FAM228B: variants seen among roughly 807,000 people sequenced by gnomAD.
FAM228B encodes protein FAM228B.
A neutral mutation model predicts 42.6 loss-of-function variants in FAM228B; 38 were observed. The observed-to-expected ratio is 0.89, with a 90% CI of 0.69 to 1.17. FAM228B has a LOEUF of 1.17. Among genes scored for constraint, FAM228B ranks in the 50% most tolerant of loss-of-function variants. The pLI, the probability that FAM228B is intolerant of heterozygous loss-of-function variation, is 0.00. For synonymous variants in FAM228B, 109 were observed against 122.3 expected (o/e 0.89, Z 0.72); for missense variants, 344 against 367.3 (o/e 0.94, Z 0.52).
At position 24,169,622 on chromosome 2, in the gene FAM228B, T is replaced by C. The variant is rs1233501359; in HGVS notation, c.*281T>C. 1 of 262,618 alleles carries C rather than the reference T, an allele frequency of 3.8e-6. No homozygotes were observed. The highest frequency in any genetic ancestry group is 8.2e-6 in the Non-Finnish European group (1 of 121,370). The allele number at this position is 262,618 out of a possible 1,614,324, so 16.3% of individuals were successfully genotyped here. A position where few individuals can be genotyped will look rare whatever the true frequency, so the allele number is the denominator to read the frequency against. On this transcript the variant is annotated 3_prime_UTR_variant, in exon 11 of 11. Coordinates refer to ENST00000615575, the MANE Select transcript of FAM228B (RefSeq NM_001145710.2). The surrounding 1 kb of genome is among the most constrained non-coding windows in gnomAD (Gnocchi z 4.2). ...ATATTGCTGAACGAACCAATAAAAA[T>C]AATTACAGCTCCCTCACTAAGTGTC...
intron 3 of FAM228B, among the ~76,000 whole-genome samples, chr2:24,135,976 G>GT (rs34144721): frequency 0.049 from 4,128 of 84,274 alleles, 581 homozygotes; most frequent in African/African-American, 0.12. Context: ...ATAGTGAAGG[G>GT]TTTTTTTTTT....
intron 3 of FAM228B, among the ~76,000 whole-genome samples, chr2:24,103,327 G>A (rs1476584104): frequency 6.6e-6 from 1 of 152,182 alleles, no homozygotes; most frequent in Non-Finnish European, 1.5e-5. Flanking sequence ...AAGTACGTAT[G>A]GAAGTTGAGA....
intron 10 of FAM228B, 32 bp downstream of exon 10, chr2:24,167,715 T>C: frequency 6.4e-7 from 1 of 1,550,406 alleles, no homozygotes. Context: ...CTTCTTACTC[T>C]CCTATTCCTT....
At chr2:24,090,301 G>A (rs1665362238) in intron 2 of FAM228B, among the ~76,000 whole-genome samples, 1 of 151,774 alleles carries the variant, frequency 6.6e-6, no homozygotes, top group African/African-American at 2.4e-5. Context: ...AATTAGCAAG[G>A]ACTGGCACGG....
chr2:24,167,741 C>A, intron 10 of FAM228B, 58 bp downstream of exon 10: 1 of 1,538,224 alleles, frequency 6.5e-7, no homozygotes, highest in South Asian at 1.2e-5. Flanking sequence ...TGTTTCTTGC[C>A]ACTGTGATTT....
intron 9 of FAM228B, among the ~76,000 whole-genome samples, 192 bp from the exon 10 acceptor site, chr2:24,167,435 G>C (rs144725385): frequency 2.3e-4 from 35 of 151,454 alleles, no homozygotes; most frequent in African/African-American, 7.7e-4. Context: ...AGGATTTGTA[G>C]GGTGTGATTT....
At chr2:24,113,338 C>T (rs986318218) in intron 3 of FAM228B, among the ~76,000 whole-genome samples, 11 of 151,940 alleles carry the variant, frequency 7.2e-5, no homozygotes, top group African/African-American at 1.9e-4. Context: ...TTTGGGAGGC[C>T]GAGGCAGAAC....
chr2:24,090,562 CAAAAAAAAAAA>C (rs58611623), intron 2 of FAM228B, among the ~76,000 whole-genome samples: 1 of 81,652 alleles, frequency 1.2e-5, no homozygotes, highest in East Asian at 3.8e-4. Flanking sequence ...CCTCCCATCT[CAAAAAAAAAAA>C]AAAAAAAAAA....
At chr2:24,143,095 G>T (rs1043292441) in intron 5 of FAM228B, among the ~76,000 whole-genome samples, 4 of 152,072 alleles carry the variant, frequency 2.6e-5, no homozygotes, top group Admixed American at 2.6e-4. Context: ...CTGAGTTTGG[G>T]TATAGTATCA....
intron 2 of FAM228B, among the ~76,000 whole-genome samples, chr2:24,087,905 T>G (rs1665298002): frequency 6.6e-6 from 1 of 151,844 alleles, no homozygotes; most frequent in African/African-American, 2.4e-5. Context: ...ATTTTTTGTA[T>G]TTTAGTAGAG....
At chr2:24,092,558 A>T (rs1326874684) in intron 2 of FAM228B, among the ~76,000 whole-genome samples, 1 of 152,334 alleles carries the variant, frequency 6.6e-6, no homozygotes, top group Non-Finnish European at 1.5e-5. Context: ...TGGGTGACAG[A>T]GTGAGACCCT....
At chr2:24,081,098 C>CCTG in intron 2 of FAM228B, 1 of 1,309,752 alleles carries the variant, frequency 7.6e-7, no homozygotes, top group Non-Finnish European at 1.0e-6. Flanking sequence ...CAGGCATATT[C>CCTG]TATCAAGATC....
upstream of FAM228B, chr2:24,119,700 G>A (rs201563058): frequency 1.3e-6 from 2 of 1,571,032 alleles, no homozygotes; most frequent in East Asian, 2.2e-5. Flanking sequence ...AAGAATATAA[G>A]AGAATATTCT....
chr2:24,114,124 G>T (rs943655912), intron 3 of FAM228B, among the ~76,000 whole-genome samples: 8 of 152,140 alleles, frequency 5.3e-5, no homozygotes, highest in Non-Finnish European at 1.0e-4. Flanking sequence ...GCCCTAGATG[G>T]CATGTCTTTG....
intron 2 of FAM228B, among the ~76,000 whole-genome samples, chr2:24,091,009 C>T (rs1174621049): frequency 3.9e-5 from 6 of 152,204 alleles, no homozygotes; most frequent in Admixed American, 2.6e-4. Flanking sequence ...GCCATGTTGC[C>T]CAAGCTGACA....
intron 2 of FAM228B, among the ~76,000 whole-genome samples, 171 bp downstream of exon 2, chr2:24,124,631 CATCTT>C (rs531577434): frequency 1.2e-3 from 185 of 152,174 alleles, no homozygotes; most frequent in African/African-American, 4.3e-3. Context: ...TTTTTTCTAA[CATCTT>C]AAGGTGGAAT....
At chr2:24,081,152 CT>C in intron 2 of FAM228B, 1 of 91,670 alleles carries the variant, frequency 1.1e-5, no homozygotes, top group Non-Finnish European at 1.5e-5. Context: ...TTTGCTTTTC[CT>C]TTTTTATTTG....
At chr2:24,143,798 A>G (rs892196722) in intron 5 of FAM228B, among the ~76,000 whole-genome samples, 4 of 152,332 alleles carry the variant, frequency 2.6e-5, no homozygotes, top group East Asian at 1.9e-4. Context: ...GTAAATATCA[A>G]TAGATCTAAG....
intron 2 of FAM228B, among the ~76,000 whole-genome samples, chr2:24,125,524 G>A (rs1267335656): frequency 6.6e-6 from 1 of 151,800 alleles, no homozygotes; most frequent in Admixed American, 6.6e-5. Flanking sequence ...CCCCACCACT[G>A]CTTTTCTTTC....
Sources: gnomAD v4.1 joint callset for allele counts (sites outside exome capture counted in the v4.1 genomes callset) on GRCh38, gnomAD v4.1.1 for gene constraint, Gnocchi (gnomAD v3.1) non-coding constraint, MANE v1.5 for transcripts, NCBI Gene and HGNC (gene_info 2026-07-23, HGNC 2026-07-21) for gene names.